F2RL1: variants seen among roughly 807,000 people sequenced by gnomAD.
F2RL1 encodes the protein F2R like trypsin receptor 1.
Under a neutral mutation model 21.7 loss-of-function variants are expected in F2RL1, and 16 were observed. That is an observed-to-expected ratio of 0.74 (90% CI 0.50 to 1.12). F2RL1 has a LOEUF of 1.12. Among genes scored for constraint, F2RL1 ranks in the 50% most tolerant of loss-of-function variants. The probability of loss-of-function intolerance (pLI) is 0.00; values close to 1 mark genes in which losing one functional copy is unlikely to be tolerated. For synonymous variants in F2RL1, 181 were observed against 186.7 expected (o/e 0.97, Z 0.25); for missense variants, 432 against 477.8 (o/e 0.90, Z 0.89).
intron 1 of F2RL1, among the ~76,000 whole-genome samples, chr5:76,826,674 T>A (rs1350006231): frequency 6.6e-6 from 1 of 151,806 alleles, no homozygotes; most frequent in Non-Finnish European, 1.5e-5. Flanking sequence ...TCTGGCTAAT[T>A]TTTGTATTTT....
chr5:76,824,264 G>A (rs2884706), intron 1 of F2RL1, among the ~76,000 whole-genome samples: 1,799 of 146,966 alleles, frequency 0.012, 46 homozygotes, highest in African/African-American at 0.043. Context: ...TTTTTTAGAC[G>A]GAGCTCCCAA....
intron 1 of F2RL1, among the ~76,000 whole-genome samples, chr5:76,825,455 G>T (rs543906749): frequency 6.6e-5 from 10 of 152,278 alleles, no homozygotes; most frequent in African/African-American, 2.2e-4. Flanking sequence ...GTAACTGAGT[G>T]GGGGGATGCT....
In F2RL1 at chr5:76,833,549, T is replaced by C; in HGVS notation, c.942T>C (p.Ile314=). Residue 314 remains isoleucine, a synonymous_variant, in exon 2 of 2, where the codon ATT becomes ATC. Transcript: ENST00000296677. ...TGCTTGTGGTGCATTATTTTCTGAT[T>C]AAGAGCCAGGGCCAGAGCCATGTCT... ...NLLLVVHYFL[I]KSQGQSHVYA... 6.2e-7 allele frequency: 1 copy of C among 1,613,676 alleles called. No individual in the cohort carries two copies. Among genetic ancestry groups the C allele is most frequent in the Non-Finnish European group, 8.5e-7 (1 of 1,179,970 alleles).
chr5:76,832,833 G>C lies in F2RL1; in HGVS notation c.226G>C (p.Val76Leu), dbSNP rs1324434675. 6.2e-7 allele frequency: 1 copy of C among 1,614,224 alleles called. No homozygotes were observed. Among genetic ancestry groups the C allele is most frequent in the East Asian group, 2.2e-5 (1 of 44,878 alleles). Reference sequence around the variant, plus strand: ...TGTCCTCACTGGAAAACTGACCACTGTCTTCCTTCCAATTGTCTACACAAT... The same window carrying C: ...TGTCCTCACTGGAAAACTGACCACTCTCTTCCTTCCAATTGTCTACACAAT... ...ASVLTGKLTT[V>L]FLPIVYTIVF... is the part of the protein sequence containing the mutation. The change falls in exon 2 of 2, where the codon GTC (valine) becomes CTC (leucine). Residue 76 changes from valine (V) to leucine (L), a missense_variant. Transcript: ENST00000296677.
chr5:76,827,477 C>T lies in F2RL1; in HGVS notation c.83-5213C>T, dbSNP rs571245141. On this transcript the variant is annotated intron_variant, in intron 1 of 1. Transcript: ENST00000296677. ...TCGCGCCACTGCACTCCAGCCTGGG[C>T]GACAGCGAGACTCCGTCTCAAAAAA... is the stretch of plus-strand genomic sequence containing the variant. 5.7e-4 allele frequency among the ~76,000 whole-genome samples: 86 copies of T among 150,346 alleles called. 1 individual carries two copies. The highest frequency in any genetic ancestry group is 1.5e-3 in the South Asian group (7 of 4,750).
chr5:76,824,107 G>A (rs1164515135), intron 1 of F2RL1, among the ~76,000 whole-genome samples: 2 of 145,124 alleles, frequency 1.4e-5, no homozygotes, highest in African/African-American at 5.1e-5. Context: ...CCACTGCGCC[G>A]ACCCTGTACA....
At chr5:76,822,017 T>C (rs997920107) in intron 1 of F2RL1, among the ~76,000 whole-genome samples, 1 of 152,246 alleles carries the variant, frequency 6.6e-6, no homozygotes, top group Non-Finnish European at 1.5e-5. Context: ...TTTCGGCTTA[T>C]ATATTTTCCC....
At chr5:76,822,034 T>C (rs1029350297) in intron 1 of F2RL1, among the ~76,000 whole-genome samples, 1 of 152,378 alleles carries the variant, frequency 6.6e-6, no homozygotes, top group African/African-American at 2.4e-5. Context: ...TCCCACTCTT[T>C]ATTACATCCA....
At chr5:76,828,176 C>T (rs1198397906) in intron 1 of F2RL1, among the ~76,000 whole-genome samples, 1 of 152,004 alleles carries the variant, frequency 6.6e-6, no homozygotes, top group Non-Finnish European at 1.5e-5. Context: ...ACCATGTTGG[C>T]CAGGCTGGTC....
chr5:76,827,047 T>G (rs557572273), intron 1 of F2RL1, among the ~76,000 whole-genome samples: 1 of 151,954 alleles, frequency 6.6e-6, no homozygotes, highest in Non-Finnish European at 1.5e-5. Context: ...GATGGGGTTC[T>G]GCTCTGTTGC....
At chr5:76,828,798 G>T (rs955135514) in intron 1 of F2RL1, among the ~76,000 whole-genome samples, 1 of 151,946 alleles carries the variant, frequency 6.6e-6, no homozygotes, top group Admixed American at 6.6e-5. Flanking sequence ...CTGGCTTTGT[G>T]TTCAAATTTC....
rs764040748 is a variant in F2RL1, at chr5:76,827,325, C to CAA, written c.83-5342_83-5341dup. Among the ~76,000 whole-genome samples, 107 of 87,564 alleles carry CAA rather than the reference C, an allele frequency of 1.2e-3. 1 individual carries two copies. Among genetic ancestry groups the CAA allele is most frequent in the African/African-American group, 3.9e-3 (83 of 21,192 alleles). 57.4% of individuals were successfully genotyped at this position (87,564 alleles called of 152,430 possible). On this transcript the variant is annotated intron_variant, in intron 1 of 1. Coordinates refer to ENST00000296677, the MANE Select transcript of F2RL1 (RefSeq NM_005242.6). ...TGAAACCCCATCTCTACTAAAAATACAAAAAAAAAAAAAAAAAAAAAAAAT... is the reference window on the plus strand; with the variant it reads ...TGAAACCCCATCTCTACTAAAAATACAAAAAAAAAAAAAAAAAAAAAAAAAAT...
intron 1 of F2RL1, among the ~76,000 whole-genome samples, chr5:76,822,533 G>A (rs1329516144): frequency 6.6e-6 from 1 of 152,148 alleles, no homozygotes; most frequent in African/African-American, 2.4e-5. Flanking sequence ...TTTGTAATAT[G>A]ACAGAACACT....
Position 76,832,663 on chromosome 5 carries a change from TG to T in F2RL1, c.83-26del, listed in dbSNP as rs776573568. ...ACTGCTGAAACATTTATTTCTGTAA[TG>T]ACCCTTGTCTTCCTTTCTTGTACAG... On this transcript the variant is annotated intron_variant, in intron 1 of 1. Transcript: ENST00000296677. The T allele has an allele frequency of 3.2e-6, 5 of 1,550,990 alleles. No homozygotes were observed. In the East Asian group the frequency reaches 9.0e-5, roughly 28 times the overall value.
Position 76,833,066 on chromosome 5 carries a change from C to T in F2RL1, c.459C>T (p.Gly153=). 6.2e-7 allele frequency: 1 copy of T among 1,614,218 alleles called. No individual in the cohort carries two copies. Among genetic ancestry groups the T allele is most frequent in the Non-Finnish European group, 8.5e-7 (1 of 1,180,036 alleles). Reference sequence around the variant, plus strand: ...AAGCTCTTTGTAATGTGCTTATTGGCTTTTTCTATGGCAACATGTACTGTT... The same window carrying T: ...AAGCTCTTTGTAATGTGCTTATTGGTTTTTTCTATGGCAACATGTACTGTT... ...YGEALCNVLI[G]FFYGNMYCSI... The change falls in exon 2 of 2, where the codon GGC becomes GGT. Residue 153 remains glycine (G), a synonymous_variant. Coordinates refer to ENST00000296677, the MANE Select transcript of F2RL1 (RefSeq NM_005242.6).
intron 1 of F2RL1, among the ~76,000 whole-genome samples, chr5:76,819,588 G>T (rs569709194): frequency 2.0e-5 from 3 of 152,302 alleles, no homozygotes; most frequent in Admixed American, 1.3e-4. Context: ...AGGGAAGGAA[G>T]GAGTAGCTGT....
chr5:76,830,033 A>G (rs1750322888), intron 1 of F2RL1, among the ~76,000 whole-genome samples: 1 of 152,224 alleles, frequency 6.6e-6, no homozygotes, highest in Non-Finnish European at 1.5e-5. Context: ...ATGATGTAAA[A>G]CAACACATTT....
chr5:76,830,703 A>G (rs987580440), intron 1 of F2RL1, among the ~76,000 whole-genome samples: 42 of 152,376 alleles, frequency 2.8e-4, no homozygotes, highest in African/African-American at 1.0e-3. Flanking sequence ...TAATGTTCAC[A>G]GAGTCTGGCG....
rs888472611 is a variant in F2RL1 at position 76,833,719 on chromosome 5, A to G, written c.1112A>G (p.Gln371Arg). Reference protein sequence around the residue: ...CRSVRTVKQMQVSLTSKKHSR... With the variant: ...CRSVRTVKQMRVSLTSKKHSR... ...AGTGTCCGCACTGTAAAGCAGATGC[A>G]AGTATCCCTCACCTCAAAGAAACAC... is the stretch of plus-strand genomic sequence containing the variant. The change falls in exon 2 of 2, where the codon CAA becomes CGA. Residue 371 changes from glutamine to arginine, a missense_variant. Coordinates refer to ENST00000296677, the MANE Select transcript of F2RL1 (RefSeq NM_005242.6). The G allele has an allele frequency of 6.2e-7, 1 of 1,614,016 alleles. No individual in the cohort carries two copies. Among genetic ancestry groups the G allele is most frequent in the East Asian group, 2.2e-5 (1 of 44,840 alleles).
Sources: allele counts gnomAD v4.1 joint callset (sites outside exome capture counted in the v4.1 genomes callset), GRCh38; gene constraint gnomAD v4.1.1; transcripts MANE v1.5; gene names NCBI Gene and HGNC (gene_info 2026-07-23, HGNC 2026-07-21).